Variants in EFCAB6 observed in about 807,000 individuals in gnomAD.
The protein encoded by EFCAB6 is EF-hand calcium binding domain 6.
EFCAB6 carries 156 observed loss-of-function variants against 169.8 expected under a neutral mutation model. The observed-to-expected ratio is 0.92, with a 90% CI of 0.81 to 1.05. The LOEUF is 1.05. Ranked by LOEUF, EFCAB6 falls within the 50% of genes least tolerant of loss-of-function variation. The pLI is 0.00. For synonymous variants in EFCAB6, 698 were observed against 676.4 expected, an observed-to-expected ratio of 1.03 and a Z score of -0.50; for missense variants, 1,800 against 1,829.1, an observed-to-expected ratio of 0.98 and a Z score of 0.29.
intron 18 of EFCAB6, among the ~76,000 whole-genome samples, chr22:43,633,474 G>C (rs2055134211): frequency 6.6e-6 from 1 of 152,226 alleles, no homozygotes; most frequent in Non-Finnish European, 1.5e-5. Flanking sequence ...CTTGAACCCA[G>C]GAGGCTGAGG....
chr22:43,803,750 G>T (rs926431775), intron 2 of EFCAB6, among the ~76,000 whole-genome samples: 12 of 151,922 alleles, frequency 7.9e-5, no homozygotes, highest in African/African-American at 2.9e-4. Flanking sequence ...CTTCACTCTC[G>T]GTAATGAATA....
intron 24 of EFCAB6, among the ~76,000 whole-genome samples, chr22:43,585,381 T>C (rs1448177973): frequency 6.6e-6 from 1 of 151,566 alleles, no homozygotes; most frequent in Non-Finnish European, 1.5e-5. Context: ...AGAGAATTAG[T>C]GAGCTTGAAG....
At position 43,672,984 on chromosome 22, in the gene EFCAB6, C is replaced by T. The variant is rs909989368; in HGVS notation, c.1420-679G>A. 3.9e-5 allele frequency among the ~76,000 whole-genome samples: 6 copies of T among 152,188 alleles called. No individual in the cohort carries two copies. The East Asian group carries it at 5.8e-4, about 15-fold the overall frequency. Reference sequence around the variant, plus strand: ...AAATAAATGCAAAGTAGAAGAATAACGAGATGGTATTTTTGCCTATCAGAA... The same window carrying T: ...AAATAAATGCAAAGTAGAAGAATAATGAGATGGTATTTTTGCCTATCAGAA... On this transcript the variant is annotated intron_variant, in intron 13 of 31. Transcript: ENST00000262726.
chr22:43,608,478 T>C lies in EFCAB6; in HGVS notation c.2681+4A>G, dbSNP rs376640468. ...GAAACCAACCAGTCTCACGTGCCAC[T>C]TACCTTGCCCAAAGCTTTTCAAACT... On this transcript the variant is annotated splice_donor_region_variant and intron_variant, in intron 22 of 31. Transcript: ENST00000262726. 1.2e-6 allele frequency: 2 copies of C among 1,613,970 alleles called. No individual in the cohort carries two copies. The highest frequency in any genetic ancestry group is 1.7e-6 in the Non-Finnish European group (2 of 1,179,888).
intron 20 of EFCAB6, 23 bp from the exon 21 acceptor site, chr22:43,615,945 A>G: frequency 1.3e-6 from 2 of 1,589,956 alleles, no homozygotes; most frequent in Non-Finnish European, 1.7e-6. Flanking sequence ...AAAATAATAA[A>G]TAACTGTGTT....
chr22:43,738,116 A>T (rs556592379), intron 6 of EFCAB6, among the ~76,000 whole-genome samples: 7 of 150,924 alleles, frequency 4.6e-5, no homozygotes, highest in Admixed American at 2.6e-4. Flanking sequence ...CATCACACAC[A>T]TATATTCATA....
intron 8 of EFCAB6, among the ~76,000 whole-genome samples, chr22:43,731,163 G>A (rs1327004708): frequency 1.3e-5 from 2 of 152,276 alleles, no homozygotes; most frequent in South Asian, 2.1e-4. Context: ...AACCCTGGGC[G>A]TCGTATGGAG....
At chr22:43,558,465 A>T (rs762712732) in intron 26 of EFCAB6, among the ~76,000 whole-genome samples, 39 of 152,036 alleles carry the variant, frequency 2.6e-4, no homozygotes, top group Admixed American at 1.4e-3. Flanking sequence ...TGTTTTTTAT[A>T]AACTGAAGGA....
chr22:43,590,322 G>A, intron 23 of EFCAB6, 93 bp from the exon 24 acceptor site: 4 of 1,409,600 alleles, frequency 2.8e-6, no homozygotes, highest in Non-Finnish European at 3.8e-6. Context: ...AATGCAATGA[G>A]CTGATGGCTC....
At chr22:43,620,732 A>G (rs2054062101) in intron 20 of EFCAB6, among the ~76,000 whole-genome samples, 1 of 152,208 alleles carries the variant, frequency 6.6e-6, no homozygotes, top group African/African-American at 2.4e-5. Context: ...TACATGAAGC[A>G]TAAATTAATA....
chr22:43,716,189 G>A (rs552616462), intron 9 of EFCAB6, among the ~76,000 whole-genome samples: 3 of 152,192 alleles, frequency 2.0e-5, no homozygotes, highest in African/African-American at 7.2e-5. Context: ...TTTATTTTTG[G>A]TGAAGAGTGG....
chr22:43,592,212 T>C (rs1322300229), intron 23 of EFCAB6, among the ~76,000 whole-genome samples: 1 of 152,176 alleles, frequency 6.6e-6, no homozygotes, highest in African/African-American at 2.4e-5. Flanking sequence ...GCCACCAAGG[T>C]GATCAACTCC....
chr22:43,611,669 A>G (rs887247159), intron 21 of EFCAB6, among the ~76,000 whole-genome samples: 1 of 152,116 alleles, frequency 6.6e-6, no homozygotes, highest in African/African-American at 2.4e-5. Context: ...GTGGTGGCAC[A>G]TGTCTGTGGT....
intron 15 of EFCAB6, among the ~76,000 whole-genome samples, chr22:43,669,654 T>C (rs1299416974): frequency 6.6e-6 from 1 of 152,198 alleles, no homozygotes; most frequent in African/African-American, 2.4e-5. Context: ...TATCTTGTGA[T>C]GGTTTTATGG....
At chr22:43,735,720 C>T (rs991787400) in intron 7 of EFCAB6, 137 bp downstream of exon 7, 4 of 1,063,344 alleles carry the variant, frequency 3.8e-6, no homozygotes, top group Non-Finnish European at 5.4e-6. Flanking sequence ...CAGTGAGTGC[C>T]TCTTTGAGAA....
At chr22:43,589,006 G>A (rs1438832495) in intron 24 of EFCAB6, among the ~76,000 whole-genome samples, 1 of 151,956 alleles carries the variant, frequency 6.6e-6, no homozygotes, top group African/African-American at 2.4e-5. Flanking sequence ...GGGCTGAGAT[G>A]GTTGGTGGCA....
At chr22:43,705,686 T>A (rs1362392225) in intron 10 of EFCAB6, among the ~76,000 whole-genome samples, 1 of 152,038 alleles carries the variant, frequency 6.6e-6, no homozygotes, top group African/African-American at 2.4e-5. Context: ...TAAAATATCT[T>A]AAGACAAACG....
chr22:43,584,173 C>T (rs2050907965), intron 24 of EFCAB6, among the ~76,000 whole-genome samples: 1 of 152,084 alleles, frequency 6.6e-6, no homozygotes, highest in Non-Finnish European at 1.5e-5. Context: ...AGTGTAGCTG[C>T]CAAAAGCTGG....
Position 43,765,364 on chromosome 22 carries a change from C to A in EFCAB6, c.381G>T (p.Pro127=). The A allele has an allele frequency of 6.2e-7, 1 of 1,612,122 alleles. No individual in the cohort carries two copies. The highest frequency in any genetic ancestry group is 8.5e-7 in the Non-Finnish European group (1 of 1,178,816). The change falls in exon 5 of 32, where the codon CCG becomes CCT. Residue 127 remains proline (P), a synonymous_variant. Transcript: ENST00000262726. The part of the protein sequence containing the change: ...QIPLSTSGTV[P]YLAFLSRFGG... ...CAAACCTGGACAGAAAGGCAAGGTACGGTACAGTACCAGAGGTGCTAAGGG... is the reference window on the plus strand; with the variant it reads ...CAAACCTGGACAGAAAGGCAAGGTAAGGTACAGTACCAGAGGTGCTAAGGG...
Sources: gnomAD v4.1 joint callset for allele counts (sites outside exome capture counted in the v4.1 genomes callset) on GRCh38, gnomAD v4.1.1 for gene constraint, MANE v1.5 for transcripts, NCBI Gene and HGNC (gene_info 2026-07-23, HGNC 2026-07-21) for gene names.